Variants in LRRK1 observed in about 807,000 individuals in gnomAD.
LRRK1 encodes leucine-rich repeat serine/threonine-protein kinase 1.
In LRRK1, 113 loss-of-function variants were observed where a neutral mutation model predicts 209.1. The observed-to-expected ratio is 0.54, with a 90% CI of 0.46 to 0.63. LRRK1 has a LOEUF of 0.63. Ranked by LOEUF, LRRK1 falls within the 30% of genes least tolerant of loss-of-function variation. The pLI is 0.00. For synonymous variants in LRRK1, 1,144 were observed against 1,099.7 expected (o/e 1.04, Z -0.80); for missense variants, 2,284 against 2,632.2 (o/e 0.87, Z 2.89).
chr15:101,005,305 T>C (rs573804116), intron 6 of LRRK1, among the ~76,000 whole-genome samples: 12 of 152,282 alleles, frequency 7.9e-5, no homozygotes, highest in African/African-American at 2.9e-4. Context: ...CAAAGGCCAC[T>C]GTACTTTGCA....
intron 3 of LRRK1, among the ~76,000 whole-genome samples, chr15:100,978,006 A>C (rs905405083): frequency 6.6e-6 from 1 of 152,200 alleles, no homozygotes; most frequent in African/African-American, 2.4e-5. Context: ...AGTAATAGAA[A>C]GTTTCGGCAA....
intron 12 of LRRK1, among the ~76,000 whole-genome samples, chr15:101,019,078 C>T (rs2033667431): frequency 6.6e-6 from 1 of 152,200 alleles, no homozygotes; most frequent in Non-Finnish European, 1.5e-5. Context: ...TAAATAATTA[C>T]AGTTCTTAAA....
Position 101,068,764 on chromosome 15 carries a change from C to T in LRRK1, c.5964C>T (p.Gly1988=). The T allele has an allele frequency of 6.2e-7, 1 of 1,613,840 alleles. No individual in the cohort carries two copies. Among genetic ancestry groups the T allele is most frequent in the Non-Finnish European group, 8.5e-7 (1 of 1,179,878 alleles). Residue 1988 remains glycine (G), a synonymous_variant, in exon 34 of 34, where the codon GGC becomes GGT. Coordinates refer to ENST00000388948, the MANE Select transcript of LRRK1 (RefSeq NM_024652.6). The stretch of plus-strand genomic sequence containing the variant: ...AGTGGTGCCTGGCCGTCTGGAGGGG[C>T]TGGGGCGCCAGGGAGTTCGACATTT... ...NTEWCLAVWR[G]WGAREFDIFY... is the part of the protein sequence containing the mutation.
At chr15:100,939,282 T>G (rs992415246) in intron 2 of LRRK1, among the ~76,000 whole-genome samples, 6 of 152,218 alleles carry the variant, frequency 3.9e-5, no homozygotes, top group African/African-American at 1.4e-4. Flanking sequence ...TCTTTTTCAT[T>G]GCAGTTTCTT....
chr15:100,935,120 A>G (rs2042278292), intron 2 of LRRK1, among the ~76,000 whole-genome samples: 1 of 152,220 alleles, frequency 6.6e-6, no homozygotes, highest in African/African-American at 2.4e-5. Context: ...CTGGGAAGCC[A>G]GGAAAATGTC....
Position 101,027,816 on chromosome 15 carries a change from G to A in LRRK1, c.2686+19G>A, listed in dbSNP as rs1298306976. On this transcript the variant is annotated intron_variant, in intron 19 of 33. Transcript: ENST00000388948. The surrounding 1 kb of genome is among the most constrained non-coding windows in gnomAD (Gnocchi z 5.1). Reference sequence around the variant, plus strand: ...CAGTCAGGTGGGTGGGGCTGGGGTAGGTGGCAGGGTGCCCGTGAGAAATGG... The same window carrying A: ...CAGTCAGGTGGGTGGGGCTGGGGTAAGTGGCAGGGTGCCCGTGAGAAATGG... 6.5e-7 allele frequency: 1 copy of A among 1,549,892 alleles called. No homozygotes were observed. The highest frequency in any genetic ancestry group is 8.7e-7 in the Non-Finnish European group (1 of 1,144,920).
rs772824076 is a variant in LRRK1, at chr15:101,066,173, C to T, written c.5736C>T (p.Ile1912=). Residue 1912 remains isoleucine (I), a synonymous_variant, in exon 32 of 34, where the codon ATC becomes ATT. Coordinates refer to ENST00000388948, the MANE Select transcript of LRRK1 (RefSeq NM_024652.6). The part of the protein sequence containing the change: ...TFSQHLQAVK[I]LAVRDLIWVP... ...GCCAGCACCTGCAGGCCGTGAAGAT[C>T]CTCGCCGTCAGAGACCTCATTTGGG... is the stretch of plus-strand genomic sequence containing the variant. The T allele has an allele frequency of 5.6e-6, 9 of 1,612,204 alleles. No individual in the cohort carries two copies. Among genetic ancestry groups the T allele is most frequent in the Admixed American group, 3.3e-5 (2 of 59,966 alleles).
intron 2 of LRRK1, among the ~76,000 whole-genome samples, chr15:100,953,533 T>C (rs147316841): frequency 0.13 from 17,734 of 135,826 alleles, 1,206 homozygotes; most frequent in African/African-American, 0.2. Context: ...TATATATATA[T>C]ACACACATAT....
chr15:100,984,453 T>G (rs528101109), intron 4 of LRRK1, among the ~76,000 whole-genome samples: 183 of 152,162 alleles, frequency 1.2e-3, no homozygotes, highest in African/African-American at 4.4e-3. Flanking sequence ...CTAAAAATCC[T>G]CTGTGCTCCA....
chr15:100,942,385 G>A lies in LRRK1; in HGVS notation c.97+17656G>A, dbSNP rs995858911. On this transcript the variant is annotated intron_variant, in intron 2 of 33. Transcript: ENST00000388948. ...CTTTCTCTGTTGGGCAAATTATGTA[G>A]CCTCAACTGGACTCTATTTCTATTA... Among the ~76,000 whole-genome samples, 4 of 152,154 alleles carry A rather than the reference G, an allele frequency of 2.6e-5. No individual in the cohort carries two copies. In the East Asian group the frequency reaches 5.8e-4, roughly 22 times the overall value.
At chr15:101,017,759 G>T (rs1406537746) in intron 12 of LRRK1, among the ~76,000 whole-genome samples, 1 of 152,044 alleles carries the variant, frequency 6.6e-6, no homozygotes, top group Non-Finnish European at 1.5e-5. Context: ...GTGCCAAAAA[G>T]GTTGGGGACT....
chr15:100,965,709 AT>A (rs1404958903), intron 2 of LRRK1, among the ~76,000 whole-genome samples: 1 of 152,088 alleles, frequency 6.6e-6, no homozygotes, highest in Non-Finnish European at 1.5e-5. Flanking sequence ...GAAAAAAAAA[AT>A]CTCCCTGGTG....
Position 101,049,683 on chromosome 15 carries a change from C to A in LRRK1, c.3339C>A (p.Ser1113Arg), listed in dbSNP as rs762543442. The change falls in exon 23 of 34, where the codon AGC (serine) becomes AGA (arginine). Residue 1113 changes from serine to arginine, a missense_variant. This residue lies in a region of LRRK1 where 780 missense variants were observed against 985.2 expected (regional missense o/e 0.79). Coordinates refer to ENST00000388948, the MANE Select transcript of LRRK1 (RefSeq NM_024652.6). ...ACGTGAACTGGAAAAAGAAGAAAAGCGGAGGAATGAAAATTGTTTGCCAAT... is the reference window on the plus strand; with the variant it reads ...ACGTGAACTGGAAAAAGAAGAAAAGAGGAGGAATGAAAATTGTTTGCCAAT... ...SSDVNWKKKK[S>R]GGMKIVCQSE... The A allele has an allele frequency of 6.2e-7, 1 of 1,613,898 alleles. No homozygotes were observed. The highest frequency in any genetic ancestry group is 8.5e-7 in the Non-Finnish European group (1 of 1,179,906).
At chr15:101,063,861 T>C (rs2036353528) in intron 31 of LRRK1, among the ~76,000 whole-genome samples, 2 of 150,312 alleles carry the variant, frequency 1.3e-5, no homozygotes, top group African/African-American at 4.9e-5. Flanking sequence ...TTTATGACCA[T>C]GGCCCCACAG....
chr15:100,959,077 G>A (rs988082367), intron 2 of LRRK1, among the ~76,000 whole-genome samples: 2 of 152,138 alleles, frequency 1.3e-5, no homozygotes, highest in Non-Finnish European at 2.9e-5. Context: ...GGGGATGTGT[G>A]GCTGAGTGGC....
intron 2 of LRRK1, among the ~76,000 whole-genome samples, chr15:100,930,501 G>A (rs1298444325): frequency 6.6e-6 from 1 of 152,156 alleles, no homozygotes; most frequent in Non-Finnish European, 1.5e-5. Context: ...GCTCACCAGA[G>A]CCCCAGTCCT....
At position 101,051,897 on chromosome 15, in the gene LRRK1, C is replaced by T. The variant is rs774546820; in HGVS notation, c.3626C>T (p.Pro1209Leu). ...GACTTCATCTCCTGCCCCAGACACCCGGACCTCCCCGTGCCGCTGCAGGAG... is the reference window on the plus strand; with the variant it reads ...GACTTCATCTCCTGCCCCAGACACCTGGACCTCCCCGTGCCGCTGCAGGAG... ...ERDFISCPRH[P>L]DLPVPLQELV... Residue 1209 changes from proline to leucine, a missense_variant, in exon 24 of 34, where the codon CCG becomes CTG. Pro to Leu is a moderately conservative substitution (Grantham distance 98). Transcript: ENST00000388948. 4.2e-5 allele frequency: 67 copies of T among 1,613,910 alleles called. No homozygotes were observed. The highest frequency in any genetic ancestry group is 5.5e-5 in the Non-Finnish European group (65 of 1,180,026).
chr15:101,058,617 C>CGGGGGGAGGGGGG (rs2035958159), intron 29 of LRRK1, among the ~76,000 whole-genome samples: 1 of 75,366 alleles, frequency 1.3e-5, no homozygotes, highest in Non-Finnish European at 2.2e-5. Context: ...GAAGGGGCAA[C>CGGGGGGAGGGGGG]GGGGGGGGGC....
intron 4 of LRRK1, among the ~76,000 whole-genome samples, chr15:100,985,738 G>T (rs1045940181): frequency 6.6e-6 from 1 of 152,260 alleles, no homozygotes; most frequent in Non-Finnish European, 1.5e-5. Context: ...GCTCAACTCT[G>T]AGCAAAGCTG....
Sources: gnomAD v4.1 joint callset for allele counts (sites outside exome capture counted in the v4.1 genomes callset) on GRCh38, gnomAD v4.1.1 for gene constraint, gnomAD v4.1.1 regional missense constraint, Gnocchi (gnomAD v3.1) non-coding constraint, MANE v1.5 for transcripts, NCBI Gene and HGNC (gene_info 2026-07-23, HGNC 2026-07-21) for gene names.